Variants in LILRB3 observed in about 807,000 individuals in gnomAD.
LILRB3 encodes leukocyte immunoglobulin like receptor B3.
A neutral mutation model predicts 68.2 loss-of-function variants in LILRB3; 32 were observed. The observed-to-expected ratio is 0.47, with a 90% confidence interval of 0.35 to 0.63. The LOEUF is 0.63. Among genes scored for constraint, LILRB3 ranks in the 30% least tolerant of loss-of-function variants. The probability of loss-of-function intolerance (pLI) is 0.00; values close to 1 mark genes in which losing one functional copy is unlikely to be tolerated. For synonymous variants in LILRB3, 185 were observed against 323.1 expected, an observed-to-expected ratio of 0.57 and a Z score of 4.58; for missense variants, 502 against 791.3, an observed-to-expected ratio of 0.63 and a Z score of 4.39.
intron 11 of LILRB3, 68 bp from the exon 12 acceptor site, chr19:54,217,542 C>T: frequency 2.6e-6 from 4 of 1,531,292 alleles, no homozygotes; most frequent in Non-Finnish European, 3.5e-6. Context: ...CAATTTTCCT[C>T]ACTGTTCCCG....
At chr19:54,221,697 T>C (rs2078194757) in intron 4 of LILRB3, 131 bp downstream of exon 4, 1 of 1,586,048 alleles carries the variant, frequency 6.3e-7, no homozygotes, top group South Asian at 1.1e-5. Flanking sequence ...CCCCATGGGG[T>C]CTCCCTCATG....
At chr19:54,222,381 G>A (rs1158519788) in exon 3 of LILRB3, 2 of 1,607,744 alleles carry the variant, frequency 1.2e-6, no homozygotes, top group Admixed American at 1.7e-5. Context: ...TGGATGGGAT[G>A]GAGAATCTGG....
chr19:54,222,714 G>A, intron 2 of LILRB3, 33 bp downstream of exon 2: 1 of 1,612,546 alleles, frequency 6.2e-7, no homozygotes, highest in Non-Finnish European at 8.5e-7. Context: ...CCAGTGAGGA[G>A]TAGGGACCTG....
rs1173010798 is a variant in LILRB3 at position 54,220,050 on chromosome 19, C to A, written c.1309+105G>T. 6.2e-6 allele frequency: 8 copies of A among 1,281,190 alleles called. No individual in the cohort carries two copies. The African/African-American group carries it at 8.8e-5, about 14-fold the overall frequency. The allele number at this position is 1,281,190 out of a possible 1,614,324, so 79.4% of individuals were successfully genotyped here. A position where few individuals can be genotyped will look rare whatever the true frequency, so the allele number is the denominator to read the frequency against. ...CCCCTCACCAGCCCAGCCTCAGAGC[C>A]CCTGGGACACAAGCCCGTCCTTGAG... is the stretch of plus-strand genomic sequence containing the variant. On this transcript the variant is annotated intron_variant, in intron 7 of 12. Coordinates refer to ENST00000445347, the Ensembl canonical transcript of LILRB3.
chr19:54,219,031 G>A (rs1182891299), intron 8 of LILRB3, 98 bp downstream of exon 8: 11 of 1,530,876 alleles, frequency 7.2e-6, no homozygotes, highest in Admixed American at 2.1e-5. Context: ...CCTGGAACCG[G>A]TTTTCTAAAC....
At chr19:54,218,367 G>C (rs1196043408) in exon 11 of LILRB3, 1 of 1,614,038 alleles carries the variant, frequency 6.2e-7, no homozygotes, top group African/African-American at 1.3e-5. Flanking sequence ...TCACCTGACT[G>C]TCCAGCTCCA....
At chr19:54,222,833 C>T (rs767716065) in intron 1 of LILRB3, 51 bp from the exon 2 acceptor site, 2 of 1,612,616 alleles carry the variant, frequency 1.2e-6, no homozygotes, top group Admixed American at 1.7e-5. Context: ...GAGCAGGTCC[C>T]CGCCCGGGTG....
Position 54,222,150 on chromosome 19 carries a change from C to T in LILRB3, c.356-20G>A, listed in dbSNP as rs202217700. 11 of 1,608,184 alleles carry T rather than the reference C, an allele frequency of 6.8e-6. No individual in the cohort carries two copies. The highest frequency in any genetic ancestry group is 5.6e-5 in the African/African-American group (4 of 71,598). On this transcript the variant is annotated intron_variant, in intron 3 of 12. Coordinates refer to ENST00000445347, the Ensembl canonical transcript of LILRB3. ...AGAATCCTAGGAGAGAAAGAGGCAC[C>T]GTGTTAAATGGGGCTCCCACCTCCC...
Position 54,222,258 on chromosome 19 carries a change from AC to A in LILRB3, c.355+19del. On this transcript the variant is annotated intron_variant, in intron 3 of 12. Coordinates refer to ENST00000445347, the Ensembl canonical transcript of LILRB3. ...CCTGAGGGCAGAGCCTGGGGCTGGG[AC>A]CCCAGAGTGTCCTCTCACCTGTCAT... The A allele has an allele frequency of 6.2e-7, 1 of 1,610,824 alleles. No individual in the cohort carries two copies. Among genetic ancestry groups the A allele is most frequent in the Non-Finnish European group, 8.5e-7 (1 of 1,179,444 alleles).
Position 54,222,141 on chromosome 19 carries a change from A to T in LILRB3, c.356-11T>A. On this transcript the variant is annotated splice_polypyrimidine_tract_variant and intron_variant, in intron 3 of 12. Coordinates refer to ENST00000445347, the Ensembl canonical transcript of LILRB3. ...GTTTGTTGTAGAATCCTAGGAGAGAAAGAGGCACCGTGTTAAATGGGGCTC... is the reference window on the plus strand; with the variant it reads ...GTTTGTTGTAGAATCCTAGGAGAGATAGAGGCACCGTGTTAAATGGGGCTC... The T allele has an allele frequency of 6.2e-7, 1 of 1,607,824 alleles. No individual in the cohort carries two copies. Among genetic ancestry groups the T allele is most frequent in the East Asian group, 2.3e-5 (1 of 44,246 alleles).
At chr19:54,219,089 A>G (rs1273736962) in intron 8 of LILRB3, 40 bp downstream of exon 8, 1 of 1,553,286 alleles carries the variant, frequency 6.4e-7, no homozygotes, top group Admixed American at 2.0e-5. Flanking sequence ...CCCTGAGCCC[A>G]CCCTCGGTCG....
In LILRB3 at chr19:54,222,494, T is replaced by C. The variant is rs773060174; in HGVS notation, c.139A>G (p.Ile47Val). ...GCCTCCAGGCTCCCCTGACACCAGA[T>C]GGTCACGGGGCTCCCCCAGCTGATC... The change falls in exon 3 of 13, where the codon ATC (isoleucine) becomes GTC (valine). Residue 47 changes from isoleucine (I) to valine (V), a missense_variant. Physicochemically the swap from Ile to Val is conservative, Grantham distance 29. Coordinates refer to ENST00000445347, the Ensembl canonical transcript of LILRB3. 28 of 1,609,218 alleles carry C rather than the reference T, an allele frequency of 1.7e-5. 1 individual carries two copies. Among genetic ancestry groups the C allele is most frequent in the Non-Finnish European group, 2.4e-5 (28 of 1,178,470 alleles).
Position 54,217,126 on chromosome 19 carries a change from C to T in LILRB3, c.1863G>A (p.Glu621=), listed in dbSNP as rs113314747. The change falls in exon 13 of 13, where the codon GAG becomes GAA. Residue 621 remains glutamate (E), a synonymous_variant. Transcript: ENST00000445347. Reference sequence around the variant, plus strand: ...TGGCCAGAGTGGCGTAGATGCTGGGCTCAGCTGGAGGTTCCCCTTCCTGGG... The same window carrying T: ...TGGCCAGAGTGGCGTAGATGCTGGGTTCAGCTGGAGGTTCCCCTTCCTGGG... The T allele has an allele frequency of 3.4e-3, 5,505 of 1,612,448 alleles. 236 individuals are homozygous for T. The African/African-American group carries it at 0.068, about 20-fold the overall frequency.
rs2078235290 is a variant in LILRB3, at chr19:54,222,054, A to T, written c.432T>A (p.Cys144Ter). 1 of 1,611,234 alleles carries T rather than the reference A, an allele frequency of 6.2e-7. No homozygotes were observed. The highest frequency in any genetic ancestry group is 1.7e-5 in the Admixed American group (1 of 59,880). ...AATGGTGATATCCCTTCTGTGAGCC[A>T]CATCGGAGGGTCATATTCCCCCCTG... is the stretch of plus-strand genomic sequence containing the variant. The change falls in exon 4 of 13, where the codon TGT becomes TGA. Residue 144 changes from cysteine to a stop codon, truncating the protein, a stop_gained. Coordinates refer to ENST00000445347, the Ensembl canonical transcript of LILRB3. LOFTEE classifies it high-confidence loss of function.
At chr19:54,220,285 GC>G (rs2078011172) in intron 6 of LILRB3, 80 bp from the exon 7 acceptor site, 1 of 1,248,902 alleles carries the variant, frequency 8.0e-7, no homozygotes, top group Non-Finnish European at 1.1e-6. Flanking sequence ...TCCTGCTTCC[GC>G]CCAGTGGATT....
At chr19:54,219,029 C>T (rs560828972) in intron 8 of LILRB3, 100 bp downstream of exon 8, 26 of 1,529,226 alleles carry the variant, frequency 1.7e-5, no homozygotes, top group South Asian at 2.6e-5. Context: ...CCCCTGGAAC[C>T]GGTTTTCTAA....
chr19:54,222,613 C>T (rs1272453683), intron 2 of LILRB3, 51 bp from the exon 3 acceptor site: 1 of 1,611,140 alleles, frequency 6.2e-7, no homozygotes, highest in Admixed American at 1.7e-5. Context: ...GCTCAGATCC[C>T]AGCTCCCAGC....
At chr19:54,217,987 G>C (rs2077659323) in intron 11 of LILRB3, among the ~76,000 whole-genome samples, 1 of 147,418 alleles carries the variant, frequency 6.8e-6, no homozygotes, top group African/African-American at 2.6e-5. Context: ...GCTCCCTGCT[G>C]TGTCTGCAGC....
chr19:54,218,184 C>T (rs543426575), intron 11 of LILRB3, among the ~76,000 whole-genome samples, 177 bp downstream of exon 11: 8 of 152,146 alleles, frequency 5.3e-5, no homozygotes, highest in East Asian at 1.9e-4. Context: ...AGGAGGCCCA[C>T]GAGGTCCCAG....
Sources: gnomAD v4.1 joint callset for allele counts (sites outside exome capture counted in the v4.1 genomes callset) on GRCh38, gnomAD v4.1.1 for gene constraint, MANE v1.5 for transcripts, NCBI Gene and HGNC (gene_info 2026-07-23, HGNC 2026-07-21) for gene names.